The following CYB561 variants were observed in gnomAD, a reference collection of about 807,000 sequenced individuals.
CYB561 encodes the protein cytochrome b561, also known as transmembrane ascorbate-dependent reductase CYB561.
Under a neutral mutation model 25.3 loss-of-function variants are expected in CYB561, and 11 were observed. The observed-to-expected ratio is 0.44, with a 90% CI of 0.27 to 0.72. The LOEUF (loss-of-function observed/expected upper bound fraction) is 0.72, where lower values mean the gene tolerates loss of function less well. Among genes scored for constraint, CYB561 ranks in the 30% least tolerant of loss-of-function variants. CYB561 has a pLI of 0.18. For synonymous variants in CYB561, 165 were observed against 158.8 expected (o/e 1.04, Z -0.29); for missense variants, 295 against 334.9 (o/e 0.88, Z 0.93).
chr17:63,443,905 C>G (rs1320461615), intron 1 of CYB561, among the ~76,000 whole-genome samples: 1 of 152,226 alleles, frequency 6.6e-6, no homozygotes, highest in Non-Finnish European at 1.5e-5. Flanking sequence ...GGATTACAGA[C>G]AGACATGAGC....
In CYB561 at chr17:63,435,178, GC is replaced by G; in HGVS notation, c.470del (p.Arg157ProfsTer23). On this transcript the variant is annotated frameshift_variant, in exon 5 of 6. Coordinates refer to ENST00000360793, the MANE Select transcript of CYB561 (RefSeq NM_001915.4). LOFTEE classifies it high-confidence loss of function. The stretch of plus-strand genomic sequence containing the variant: ...TAGCACCAAAGAAGATGTGCTGTGG[GC>G]GGTAGCGGCTCCGCAGGGAGAATGA... The part of the protein sequence containing the change: ...GASFSLRSRY[R>X]PQHIFFGATI... The G allele has an allele frequency of 6.2e-7, 1 of 1,614,240 alleles. No homozygotes were observed. Among genetic ancestry groups the G allele is most frequent in the Non-Finnish European group, 8.5e-7 (1 of 1,180,046 alleles).
At chr17:63,434,947 C>G in intron 5 of CYB561, 139 bp downstream of exon 5, 1 of 955,120 alleles carries the variant, frequency 1.0e-6, no homozygotes, top group Non-Finnish European at 1.5e-6. Context: ...GCACCCAAAT[C>G]TTAGCAAGCA....
At chr17:63,443,826 A>C (rs975288615) in intron 1 of CYB561, among the ~76,000 whole-genome samples, 8 of 152,122 alleles carry the variant, frequency 5.3e-5, no homozygotes, top group African/African-American at 1.9e-4. Flanking sequence ...GGGTCTCACT[A>C]TGTTGTGCAG....
intron 1 of CYB561, among the ~76,000 whole-genome samples, chr17:63,441,908 G>C (rs73327750): frequency 0.023 from 3,568 of 152,354 alleles, 121 homozygotes; most frequent in African/African-American, 0.078. Flanking sequence ...GTGCAAGACA[G>C]CAGGCCCTGA....
In CYB561 at chr17:63,435,453, CAGAA is replaced by C; in HGVS notation, c.406-214_406-211del. On this transcript the variant is annotated intron_variant, in intron 4 of 5. Transcript: ENST00000360793. Reference sequence around the variant, plus strand: ...CCAACGCTTGAGGCCTTGGCACACTCAGAAAGCTGGGCTTGTGGCCAAAAGTGCT... The same window carrying C: ...CCAACGCTTGAGGCCTTGGCACACTCAGCTGGGCTTGTGGCCAAAAGTGCT... 8 of 683,578 alleles carry C rather than the reference CAGAA, an allele frequency of 1.2e-5. No homozygotes were observed. In the South Asian group the frequency reaches 1.3e-4, roughly 11 times the overall value. The allele number at this position is 683,578 out of a possible 1,614,324, so 42.3% of individuals were successfully genotyped here.
At chr17:63,444,983 C>T (rs2049409712) in intron 1 of CYB561, among the ~76,000 whole-genome samples, 1 of 152,176 alleles carries the variant, frequency 6.6e-6, no homozygotes, top group Non-Finnish European at 1.5e-5. Context: ...CGAGACCAGC[C>T]TGGCCAACAT....
At chr17:63,435,355 C>G in intron 4 of CYB561, 112 bp from the exon 5 acceptor site, 1 of 1,211,120 alleles carries the variant, frequency 8.3e-7, no homozygotes. Flanking sequence ...CCCCTCAGCC[C>G]TGCCTGGTTT....
intron 5 of CYB561, among the ~76,000 whole-genome samples, chr17:63,434,883 A>T (rs1201036902): frequency 2.0e-5 from 3 of 152,282 alleles, no homozygotes; most frequent in East Asian, 1.9e-4. Context: ...CCCATAGCCC[A>T]GAAGTTTCTT....
In CYB561 at chr17:63,434,459, C is replaced by T; in HGVS notation, c.699G>A (p.Gln233=). Residue 233 remains glutamine (Q), a synonymous_variant, in exon 6 of 6, where the codon CAG becomes CAA. Coordinates refer to ENST00000360793, the MANE Select transcript of CYB561 (RefSeq NM_001915.4). ...DWKRPSQAEE[Q]ALSMDFKTLT... The stretch of plus-strand genomic sequence containing the variant: ...GCGTCTTGAAGTCCATGGAGAGGGC[C>T]TGCTCTTCCGCCTGGGAAGGCCGCT... The T allele has an allele frequency of 6.2e-7, 1 of 1,604,492 alleles. No homozygotes were observed. The highest frequency in any genetic ancestry group is 8.5e-7 in the Non-Finnish European group (1 of 1,175,754).
chr17:63,433,207 G>GTAT lies in CYB561; in HGVS notation c.*1192_*1194dup. On this transcript the variant is annotated 3_prime_UTR_variant, in exon 6 of 6. Transcript: ENST00000360793. ...ACCACCACGCCTGGCTAATTTTTTT[G>GTAT]TATTTTTAGTAGAGACGGGGTTTCA... 2.6e-6 allele frequency: 1 copy of GTAT among 388,042 alleles called. No homozygotes were observed. Among genetic ancestry groups the GTAT allele is most frequent in the Non-Finnish European group, 4.5e-6 (1 of 219,780 alleles). 24.0% of individuals were successfully genotyped at this position (388,042 alleles called of 1,614,324 possible).
intron 1 of CYB561, among the ~76,000 whole-genome samples, chr17:63,440,542 G>A (rs991881921): frequency 6.6e-6 from 1 of 152,158 alleles, no homozygotes; most frequent in African/African-American, 2.4e-5. Flanking sequence ...GCATGATCCT[G>A]CCCGTTTCCA....
In CYB561 at chr17:63,437,480, A is replaced by C; in HGVS notation, c.68T>G (p.Leu23Arg). The C allele has an allele frequency of 6.2e-7, 1 of 1,613,834 alleles. No homozygotes were observed. ...GGTCATGGCCACCAAGGTCAGGCCC[A>C]GCAGCTGGGAGAAGGCCACGTAGTA... ...LPYYVAFSQL[L>R]GLTLVAMTGA... Residue 23 changes from leucine to arginine, a missense_variant, in exon 2 of 6, where the codon CTG becomes CGG. Transcript: ENST00000360793.
chr17:63,432,570 C>CCA lies in CYB561; in HGVS notation c.*1830_*1831dup, dbSNP rs2049236726. On this transcript the variant is annotated 3_prime_UTR_variant, in exon 6 of 6. Coordinates refer to ENST00000360793, the MANE Select transcript of CYB561 (RefSeq NM_001915.4). ...GTAGTTTGTCTAAGGCGGAGTTTTCCCACATGTAAACATTTCACTATACAA... is the reference window on the plus strand; with the variant it reads ...GTAGTTTGTCTAAGGCGGAGTTTTCCCACACATGTAAACATTTCACTATACAA... 6.6e-6 allele frequency: 1 copy of CCA among 152,206 alleles called. No homozygotes were observed. Among genetic ancestry groups the CCA allele is most frequent in the Non-Finnish European group, 1.5e-5 (1 of 68,050 alleles). 9.4% of individuals were successfully genotyped at this position (152,206 alleles called of 1,614,324 possible). A position where few individuals can be genotyped will look rare whatever the true frequency, so the allele number is the denominator to read the frequency against.
intron 1 of CYB561, chr17:63,438,322 TC>T: frequency 1.1e-6 from 1 of 907,330 alleles, no homozygotes; most frequent in Non-Finnish European, 1.7e-6. Context: ...ACACCTTTTC[TC>T]CAGACGCGTC....
chr17:63,438,082 G>A (rs2049332947), intron 1 of CYB561: 1 of 1,532,424 alleles, frequency 6.5e-7, no homozygotes, highest in Non-Finnish European at 8.7e-7. Context: ...GGGAGTGGCT[G>A]GGGGGAGGGG....
chr17:63,434,498 G>C lies in CYB561; in HGVS notation c.660C>G (p.Thr220=). ...GGGAAGGCCGCTTCCAGTCGGCCCG[G>C]GTCAAGATGTAGAGCACCGCCCCAC... ...CFGGAVLYIL[T]RADWKRPSQA... Residue 220 remains threonine (T), a synonymous_variant, in exon 6 of 6, where the codon ACC becomes ACG. Coordinates refer to ENST00000360793, the MANE Select transcript of CYB561 (RefSeq NM_001915.4). The C allele has an allele frequency of 6.2e-7, 1 of 1,613,362 alleles. No individual in the cohort carries two copies. Among genetic ancestry groups the C allele is most frequent in the Non-Finnish European group, 8.5e-7 (1 of 1,179,838 alleles).
In CYB561 at chr17:63,433,661, GC is replaced by G. The variant is rs533320785; in HGVS notation, c.*740del. 5.6e-6 allele frequency: 2 copies of G among 355,780 alleles called. No individual in the cohort carries two copies. The highest frequency in any genetic ancestry group is 4.7e-5 in the Admixed American group (1 of 21,354). 22.0% of individuals were successfully genotyped at this position (355,780 alleles called of 1,614,324 possible). On this transcript the variant is annotated 3_prime_UTR_variant, in exon 6 of 6. Coordinates refer to ENST00000360793, the MANE Select transcript of CYB561 (RefSeq NM_001915.4). Reference sequence around the variant, plus strand: ...CCCCAGCAGGAAGGGGCTGCAAGGTGCCCCCCATCCCCAACCCCCATGTCTG... The same window carrying G: ...CCCCAGCAGGAAGGGGCTGCAAGGTGCCCCCATCCCCAACCCCCATGTCTG...
chr17:63,443,639 G>A (rs970887516), intron 1 of CYB561, among the ~76,000 whole-genome samples: 1 of 152,088 alleles, frequency 6.6e-6, no homozygotes, highest in African/African-American at 2.4e-5. Flanking sequence ...TTTTTTTGTT[G>A]TTGTTGTTAA....
chr17:63,435,071 A>G lies in CYB561; in HGVS notation c.563+15T>C. 1 of 1,610,372 alleles carries G rather than the reference A, an allele frequency of 6.2e-7. No individual in the cohort carries two copies. On this transcript the variant is annotated intron_variant, in intron 5 of 5. Coordinates refer to ENST00000360793, the MANE Select transcript of CYB561 (RefSeq NM_001915.4). ...GGTGGCCCAGGCCCTGCCCTCTCCC[A>G]CCCAGGACACTCACCCGAGGTTGAA...
Sources: gnomAD v4.1 joint callset for allele counts (sites outside exome capture counted in the v4.1 genomes callset) on GRCh38, gnomAD v4.1.1 for gene constraint, MANE v1.5 for transcripts, NCBI Gene and HGNC (gene_info 2026-07-23, HGNC 2026-07-21) for gene names.